Variants in DCDC1 observed in about 807,000 individuals in gnomAD.
DCDC1 encodes doublecortin domain-containing protein 1.
In DCDC1, 200 loss-of-function variants were observed where a neutral mutation model predicts 178.3. The observed-to-expected ratio is 1.12, with a 90% confidence interval of 1.00 to 1.26. DCDC1 has a LOEUF of 1.26. DCDC1 is among the 50% of genes most tolerant of loss of function. The pLI, the probability that DCDC1 is intolerant of heterozygous loss-of-function variation, is 0.00. For synonymous variants in DCDC1, 690 were observed against 604.8 expected (o/e 1.14, Z -2.07); for missense variants, 1,983 against 1,749.2 (o/e 1.13, Z -2.38).
At chr11:31,199,997 A>G (rs1351997553) in intron 9 of DCDC1, among the ~76,000 whole-genome samples, 1 of 152,150 alleles carries the variant, frequency 6.6e-6, no homozygotes, top group Non-Finnish European at 1.5e-5. Context: ...TAGTTGATCA[A>G]TGTTTATAAG....
At chr11:31,219,877 G>C (rs1237635989) in intron 9 of DCDC1, among the ~76,000 whole-genome samples, 1 of 152,040 alleles carries the variant, frequency 6.6e-6, no homozygotes, top group Non-Finnish European at 1.5e-5. Flanking sequence ...TCATTTTACA[G>C]ATAAGAAACC....
At chr11:30,916,043 A>G (rs1590349402) in intron 26 of DCDC1, among the ~76,000 whole-genome samples, 2 of 152,286 alleles carry the variant, frequency 1.3e-5, no homozygotes, top group African/African-American at 4.8e-5. Context: ...AAGTAAGAGA[A>G]TGGGGGCAGG....
chr11:30,865,910 G>A (rs1490622682), intron 38 of DCDC1, among the ~76,000 whole-genome samples: 1 of 152,062 alleles, frequency 6.6e-6, no homozygotes, highest in East Asian at 1.9e-4. Flanking sequence ...GGTGAGGTTT[G>A]GGGATTTTTG....
intron 20 of DCDC1, among the ~76,000 whole-genome samples, chr11:30,978,543 A>G (rs112832336): frequency 3.6e-4 from 55 of 152,270 alleles, no homozygotes; most frequent in African/African-American, 1.2e-3. Context: ...ATTTTGTTCC[A>G]TGCATAGAAT....
At chr11:31,362,978 C>G (rs969223264) in intron 1 of DCDC1, among the ~76,000 whole-genome samples, 2 of 152,036 alleles carry the variant, frequency 1.3e-5, no homozygotes, top group Non-Finnish European at 2.9e-5. Context: ...TATAGTAACC[C>G]TGATGCTAAA....
chr11:31,310,464 G>A (rs1028250269), intron 3 of DCDC1, among the ~76,000 whole-genome samples: 9 of 151,652 alleles, frequency 5.9e-5, no homozygotes, highest in South Asian at 2.1e-4. Flanking sequence ...GACTACAGGC[G>A]CATGCAACCA....
chr11:31,367,862 GT>G (rs1003577944), intron 1 of DCDC1, among the ~76,000 whole-genome samples: 1 of 152,166 alleles, frequency 6.6e-6, no homozygotes. Context: ...GTTTTAAGAA[GT>G]TTATTTTGGT....
intron 3 of DCDC1, among the ~76,000 whole-genome samples, chr11:31,309,935 T>C (rs949995625): frequency 2.6e-5 from 4 of 152,160 alleles, no homozygotes; most frequent in African/African-American, 9.7e-5. Flanking sequence ...TATATTGATA[T>C]AGCCCTCTTC....
chr11:31,193,946 A>G (rs929278932), intron 9 of DCDC1, among the ~76,000 whole-genome samples: 5 of 152,122 alleles, frequency 3.3e-5, no homozygotes, highest in African/African-American at 1.2e-4. Context: ...GGCTGCTGAC[A>G]GTGGAACTGA....
intron 9 of DCDC1, among the ~76,000 whole-genome samples, chr11:31,176,541 G>A (rs1343341001): frequency 1.3e-5 from 2 of 152,120 alleles, no homozygotes; most frequent in Non-Finnish European, 2.9e-5. Flanking sequence ...CTAGATTCAG[G>A]AAGCCCAAAG....
chr11:30,923,026 G>T (rs1438351457), intron 23 of DCDC1, among the ~76,000 whole-genome samples: 4 of 147,856 alleles, frequency 2.7e-5, no homozygotes. Context: ...GCAAGGGAGG[G>T]AGGGAGGGAG....
chr11:30,977,766 C>T (rs955316692), intron 20 of DCDC1, among the ~76,000 whole-genome samples: 11 of 151,906 alleles, frequency 7.2e-5, no homozygotes, highest in African/African-American at 2.4e-4. Flanking sequence ...CCCATCTCTA[C>T]AAAAAAATAC....
chr11:30,941,315 G>A (rs546830187), intron 21 of DCDC1, among the ~76,000 whole-genome samples: 13 of 152,086 alleles, frequency 8.5e-5, no homozygotes, highest in African/African-American at 3.1e-4. Context: ...ACCCTCCCAC[G>A]GCTTTCTATC....
At chr11:31,335,075 C>A (rs185279099) in intron 2 of DCDC1, among the ~76,000 whole-genome samples, 2 of 152,212 alleles carry the variant, frequency 1.3e-5, no homozygotes, top group African/African-American at 4.8e-5. Flanking sequence ...GCTTCCCCAG[C>A]TGCTTTGTTT....
At chr11:31,201,231 T>G (rs1971249652) in intron 9 of DCDC1, among the ~76,000 whole-genome samples, 1 of 151,986 alleles carries the variant, frequency 6.6e-6, no homozygotes, top group Admixed American at 6.6e-5. Context: ...TTATGTTGCC[T>G]TAAATACTCC....
chr11:31,360,929 G>T (rs957857254), intron 1 of DCDC1, among the ~76,000 whole-genome samples: 3 of 152,304 alleles, frequency 2.0e-5, no homozygotes, highest in Admixed American at 6.5e-5. Flanking sequence ...ATCAGATATG[G>T]AGAGTAATTA....
chr11:30,902,154 A>C (rs1262440431), intron 32 of DCDC1, among the ~76,000 whole-genome samples: 3 of 152,178 alleles, frequency 2.0e-5, no homozygotes, highest in Non-Finnish European at 4.4e-5. Context: ...TTAATGGCCA[A>C]TGTAATGATA....
chr11:31,007,413 CCT>C (rs1419965821), intron 20 of DCDC1, among the ~76,000 whole-genome samples: 1 of 152,086 alleles, frequency 6.6e-6, no homozygotes, highest in Non-Finnish European at 1.5e-5. Flanking sequence ...CTAACATTTC[CCT>C]GTGTAGTAAC....
At chr11:30,938,071 C>T (rs934533650) in intron 21 of DCDC1, among the ~76,000 whole-genome samples, 8 of 152,064 alleles carry the variant, frequency 5.3e-5, no homozygotes, top group Non-Finnish European at 5.9e-5. Flanking sequence ...GAACCTTCCC[C>T]GAGCCCTGCC....
Sources: allele counts gnomAD v4.1 joint callset (sites outside exome capture counted in the v4.1 genomes callset), GRCh38; gene constraint gnomAD v4.1.1; transcripts MANE v1.5; gene names NCBI Gene and HGNC (gene_info 2026-07-23, HGNC 2026-07-21).